Variants in ARHGEF10 observed in about 807,000 individuals in gnomAD.
ARHGEF10 encodes the protein Rho guanine nucleotide exchange factor 10.
Under a neutral mutation model 147.4 loss-of-function variants are expected in ARHGEF10, and 140 were observed. The observed-to-expected ratio is 0.95, with a 90% CI of 0.83 to 1.09. The LOEUF is 1.09. Among genes scored for constraint, ARHGEF10 ranks in the 50% least tolerant of loss-of-function variants. ARHGEF10 has a pLI of 0.00. For missense variants in ARHGEF10, 2,222 were observed against 1,752.7 expected, an observed-to-expected ratio of 1.27 and a Z score of -4.78; for synonymous variants, 902 against 695.8, an observed-to-expected ratio of 1.30 and a Z score of -4.67.
chr8:1,869,528 C>T (rs943775673), intron 7 of ARHGEF10: 26 of 575,810 alleles, frequency 4.5e-5, no homozygotes, highest in Admixed American at 2.8e-5. Context: ...GTAGGAAACA[C>T]AGAGGCTGAG....
chr8:1,880,204 C>CGGGCA, intron 9 of ARHGEF10, 40 bp downstream of exon 9: 1 of 1,478,518 alleles, frequency 6.8e-7, no homozygotes, highest in Non-Finnish European at 9.5e-7. Context: ...ACTTGCCAGC[C>CGGGCA]GGGCAGTAAA....
At chr8:1,896,523 A>G (rs552319391) in intron 14 of ARHGEF10, 74 bp downstream of exon 14, 14 of 1,039,720 alleles carry the variant, frequency 1.3e-5, no homozygotes, top group East Asian at 9.5e-5. Context: ...TTGACTCTGA[A>G]TGCAGTTATT....
Position 1,956,770 on chromosome 8 carries a change from A to G in ARHGEF10, c.3542A>G (p.His1181Arg), listed in dbSNP as rs1421016462. The G allele has an allele frequency of 1.9e-6, 3 of 1,614,022 alleles. No homozygotes were observed. The highest frequency in any genetic ancestry group is 1.7e-5 in the Admixed American group (1 of 60,028). The change falls in exon 29 of 29, where the codon CAT becomes CGT. Residue 1181 changes from histidine to arginine, a missense_variant. By Grantham distance (29) the His-to-Arg change is conservative. Transcript: ENST00000349830. ...TCAGGAAGAGGCATGGTCTCCTACC[A>G]TGCACACAACAGTCCTGTCAAATTC... ...KVTGRGMVSY[H>R]AHNSPVKFIV...
At chr8:1,912,459 G>GT (rs1811434593) in intron 18 of ARHGEF10, among the ~76,000 whole-genome samples, 1 of 116,276 alleles carries the variant, frequency 8.6e-6, no homozygotes, top group Non-Finnish European at 1.9e-5. Context: ...GATCGTGTGG[G>GT]TTGAGTGTTT....
intron 8 of ARHGEF10, among the ~76,000 whole-genome samples, chr8:1,877,528 G>T (rs1205278207): frequency 1.3e-5 from 2 of 152,132 alleles, no homozygotes; most frequent in Admixed American, 6.5e-5. Context: ...ACACCCAGCC[G>T]GATGATCCTT....
chr8:1,922,171 G>A (rs1000691873), intron 18 of ARHGEF10, among the ~76,000 whole-genome samples: 2 of 151,742 alleles, frequency 1.3e-5, no homozygotes, highest in African/African-American at 4.8e-5. Flanking sequence ...GAAGCCCTCT[G>A]TGAGGGGTAG....
chr8:1,944,284 C>G (rs1035215982), intron 26 of ARHGEF10, among the ~76,000 whole-genome samples: 1 of 152,210 alleles, frequency 6.6e-6, no homozygotes, highest in Non-Finnish European at 1.5e-5. Flanking sequence ...GCCCTGCGTG[C>G]CCAGCCTGAG....
Position 1,923,529 on chromosome 8 carries a change from A to C in ARHGEF10, c.2321A>C (p.Lys774Thr). ...GGTTTACAAAGGCTTATTTTGAAGA[A>C]AGAAGATGAAATCAGAGCTGCGGAC... is the stretch of plus-strand genomic sequence containing the variant. ...TSGLQRLILKKEDEIRAADCC... is the reference protein window; with the variant it reads ...TSGLQRLILKTEDEIRAADCC... Residue 774 changes from lysine to threonine, a missense_variant, in exon 20 of 29, where the codon AAA becomes ACA. By Grantham distance (78) the Lys-to-Thr change is moderately conservative. Transcript: ENST00000349830. 1.2e-6 allele frequency: 2 copies of C among 1,614,140 alleles called. No individual in the cohort carries two copies. Among genetic ancestry groups the C allele is most frequent in the Non-Finnish European group, 1.7e-6 (2 of 1,180,046 alleles).
At chr8:1,922,219 C>T (rs955621158) in intron 18 of ARHGEF10, among the ~76,000 whole-genome samples, 8 of 151,224 alleles carry the variant, frequency 5.3e-5, no homozygotes, top group East Asian at 2.0e-4. Flanking sequence ...CCGGGACACG[C>T]GTCGTTCCTC....
intron 2 of ARHGEF10, among the ~76,000 whole-genome samples, chr8:1,848,845 A>G (rs934680012): frequency 2.6e-5 from 4 of 152,148 alleles, no homozygotes; most frequent in Admixed American, 6.5e-5. Context: ...CTGCATGGTT[A>G]TGTTTCAAAC....
At chr8:1,951,141 A>G (rs764105401) in intron 27 of ARHGEF10, among the ~76,000 whole-genome samples, 6 of 152,188 alleles carry the variant, frequency 3.9e-5, no homozygotes, top group Non-Finnish European at 8.8e-5. Context: ...ATCATGTTTC[A>G]TGCTTAAAAT....
At chr8:1,855,636 C>G (rs1412352744) in intron 2 of ARHGEF10, among the ~76,000 whole-genome samples, 2 of 151,680 alleles carry the variant, frequency 1.3e-5, no homozygotes, top group Non-Finnish European at 2.9e-5. Context: ...GCAATTAGTC[C>G]TCCTTGGCCT....
At chr8:1,849,966 GGCGTGGGCCGGCT>G (rs1370725351) in intron 2 of ARHGEF10, among the ~76,000 whole-genome samples, 2 of 130,854 alleles carry the variant, frequency 1.5e-5, no homozygotes, top group Admixed American at 7.2e-5. Flanking sequence ...TGCTGAGGAG[GGCGTGGGCCGGCT>G]GCATGGACAC....
chr8:1,936,151 C>T (rs897706419), intron 26 of ARHGEF10, among the ~76,000 whole-genome samples: 7 of 152,180 alleles, frequency 4.6e-5, no homozygotes, highest in Non-Finnish European at 1.0e-4. Flanking sequence ...CTCTTGACCC[C>T]ACTGTCCCTA....
chr8:1,926,817 G>C, intron 23 of ARHGEF10: 1 of 336,254 alleles, frequency 3.0e-6, no homozygotes, highest in Non-Finnish European at 5.6e-6. Flanking sequence ...GCTTTTTCCA[G>C]TGGAAACTTA....
In ARHGEF10 at chr8:1,869,581, A is replaced by G. The variant is rs376842522; in HGVS notation, c.679+331A>G. On this transcript the variant is annotated intron_variant, in intron 7 of 28. Transcript: ENST00000349830. ...GAATAAATGACATCAGTGAGAAAGT[A>G]GAGAGAATCAGGCAAAGGTAATAGT... 4.2e-5 allele frequency: 19 copies of G among 450,468 alleles called. No individual in the cohort carries two copies. In the South Asian group the frequency reaches 4.3e-4, roughly 10 times the overall value. 27.9% of individuals were successfully genotyped at this position (450,468 alleles called of 1,614,324 possible).
At chr8:1,827,544 G>A (rs1030402484) in intron 1 of ARHGEF10, among the ~76,000 whole-genome samples, 6 of 152,182 alleles carry the variant, frequency 3.9e-5, no homozygotes, top group African/African-American at 1.2e-4. Context: ...GACCTCAAGT[G>A]ATCCACCTGC....
intron 15 of ARHGEF10, among the ~76,000 whole-genome samples, chr8:1,902,957 A>G (rs1810588768): frequency 6.6e-6 from 1 of 152,216 alleles, no homozygotes; most frequent in African/African-American, 2.4e-5. Context: ...GTCTGACTCA[A>G]CTTGAGAAGG....
intron 7 of ARHGEF10, 33 bp from the exon 8 acceptor site, chr8:1,876,538 G>A: frequency 6.2e-7 from 1 of 1,608,288 alleles, no homozygotes; most frequent in Non-Finnish European, 8.5e-7. Flanking sequence ...GAATTCTAAA[G>A]TTTTAATTTC....
Sources: allele counts gnomAD v4.1 joint callset (sites outside exome capture counted in the v4.1 genomes callset), GRCh38; gene constraint gnomAD v4.1.1; transcripts MANE v1.5; gene names NCBI Gene and HGNC (gene_info 2026-07-23, HGNC 2026-07-21).